Variants in CEP170 observed in about 807,000 individuals in gnomAD.
CEP170 encodes centrosomal protein 170, also known as centrosomal protein of 170 kDa.
In CEP170, 21 loss-of-function variants were observed where a neutral mutation model predicts 151.9. That is an observed-to-expected ratio of 0.14 (90% CI 0.10 to 0.20). CEP170 has a LOEUF of 0.20. Among genes scored for constraint, CEP170 ranks in the 10% least tolerant of loss-of-function variants. The pLI is 1.00. For missense variants in CEP170, 964 were observed against 1,892.9 expected, an observed-to-expected ratio of 0.51 and a Z score of 9.11; for synonymous variants, 356 against 648.8, an observed-to-expected ratio of 0.55 and a Z score of 6.86.
intron 14 of CEP170, among the ~76,000 whole-genome samples, chr1:243,152,565 T>C: frequency 1.8e-5 from 2 of 112,466 alleles, no homozygotes; most frequent in Admixed American, 1.2e-4. Flanking sequence ...AGAGTCTCGC[T>C]CTGTCACCCA....
intron 4 of CEP170, among the ~76,000 whole-genome samples, chr1:243,202,081 A>T (rs1326885927): frequency 6.6e-6 from 1 of 152,194 alleles, no homozygotes; most frequent in Admixed American, 6.6e-5. Context: ...GGTTTAAGAA[A>T]ATGTGGTATA....
At chr1:243,243,442 TC>T (rs1472594771) in intron 1 of CEP170, among the ~76,000 whole-genome samples, 2 of 152,248 alleles carry the variant, frequency 1.3e-5, no homozygotes, top group East Asian at 3.9e-4. Flanking sequence ...AATATAAGCT[TC>T]CCTAAATAGC....
intron 11 of CEP170, among the ~76,000 whole-genome samples, chr1:243,170,046 C>A (rs778078164): frequency 1.3e-5 from 2 of 152,134 alleles, no homozygotes; most frequent in African/African-American, 4.8e-5. Context: ...TGGAAAGCTA[C>A]GATGGAAACT....
intron 1 of CEP170, among the ~76,000 whole-genome samples, chr1:243,240,150 C>CA (rs2064683402): frequency 6.6e-6 from 1 of 152,036 alleles, no homozygotes; most frequent in African/African-American, 2.4e-5. Flanking sequence ...GTTTCTACTA[C>CA]AAATACGAAA....
intron 10 of CEP170, among the ~76,000 whole-genome samples, chr1:243,184,158 T>C (rs1216787316): frequency 6.6e-6 from 1 of 152,024 alleles, no homozygotes; most frequent in African/African-American, 2.4e-5. Context: ...ATAAGATAGG[T>C]ATTGTGATAA....
intron 7 of CEP170, among the ~76,000 whole-genome samples, chr1:243,191,856 T>C (rs2060325674): frequency 6.6e-6 from 1 of 152,152 alleles, no homozygotes; most frequent in Non-Finnish European, 1.5e-5. Context: ...ATGTTCAATG[T>C]ATATATAAAA....
chr1:243,175,031 A>G (rs1019968392), intron 10 of CEP170: 1 of 152,254 alleles, frequency 6.6e-6, no homozygotes. Context: ...GCATTTTTGC[A>G]TCTCTTTGAC....
rs193300120 is a variant in CEP170 at position 243,152,415 on chromosome 1, G to A, written c.3911+3806C>T. ...TTTTTGTATTTTTAGTAGAGATGGGGTTTCACCATGTTAGCCAAGATCGTC... is the reference window on the plus strand; with the variant it reads ...TTTTTGTATTTTTAGTAGAGATGGGATTTCACCATGTTAGCCAAGATCGTC... On this transcript the variant is annotated intron_variant, in intron 14 of 19. Transcript: ENST00000366542. Among the ~76,000 whole-genome samples, 42 of 150,418 alleles carry A rather than the reference G, an allele frequency of 2.8e-4. No homozygotes were observed. In the East Asian group the frequency reaches 8.1e-3, roughly 29 times the overall value.
intron 19 of CEP170, among the ~76,000 whole-genome samples, 190 bp downstream of exon 19, chr1:243,128,059 C>T (rs1999952): frequency 6.6e-6 from 1 of 152,050 alleles, no homozygotes; most frequent in Admixed American, 6.6e-5. Flanking sequence ...ATCTTTATTA[C>T]ATTTTAAATT....
intron 15 of CEP170, among the ~76,000 whole-genome samples, chr1:243,141,630 T>C (rs1005015348): frequency 7.9e-5 from 12 of 152,154 alleles, no homozygotes; most frequent in South Asian, 2.1e-4. Flanking sequence ...GGCCAAAGAG[T>C]ACCATTAATT....
intron 10 of CEP170, among the ~76,000 whole-genome samples, chr1:243,179,177 CTCTT>C (rs768604950): frequency 6.6e-6 from 1 of 152,162 alleles, no homozygotes; most frequent in Non-Finnish European, 1.5e-5. Flanking sequence ...TCTCGATTTG[CTCTT>C]TCTTTCATAT....
In CEP170 at chr1:243,191,371, G is replaced by A. The variant is rs10157680; in HGVS notation, c.755C>T (p.Ser252Leu). The A allele has an allele frequency of 4.0e-3, 6,464 of 1,604,416 alleles. 256 individuals are homozygous for A. The African/African-American group carries it at 0.074, about 18-fold the overall frequency. The change falls in exon 8 of 20, where the codon TCA (serine) becomes TTA (leucine). Residue 252 changes from serine (S) to leucine (L), a missense_variant. Transcript: ENST00000366542. ...EIPTKEFQQPSQITESTIHEI... is the reference protein window; with the variant it reads ...EIPTKEFQQPLQITESTIHEI... ...ATGAATAGTGCTTTCTGTTATTTGTGATGGTTGCTGGAATTCTTTTGTAGG... is the reference window on the plus strand; with the variant it reads ...ATGAATAGTGCTTTCTGTTATTTGTAATGGTTGCTGGAATTCTTTTGTAGG...
At chr1:243,230,335 T>G (rs1244907891) in intron 1 of CEP170, among the ~76,000 whole-genome samples, 2 of 142,304 alleles carry the variant, frequency 1.4e-5, no homozygotes, top group East Asian at 4.5e-4. Context: ...AGATACAAAA[T>G]ACAGTTCTCA....
intron 13 of CEP170, among the ~76,000 whole-genome samples, chr1:243,162,744 C>T (rs1055432279): frequency 1.3e-5 from 2 of 152,216 alleles, no homozygotes; most frequent in Middle Eastern, 3.4e-3. Flanking sequence ...CAGGAAAATA[C>T]ATACATATCT....
At position 243,185,789 on chromosome 1, in the gene CEP170, A is replaced by C; in HGVS notation, c.1556T>G (p.Met519Arg). Reference protein sequence around the residue: ...PNSEEVEARKMIDKVFGVDDN... With the variant: ...PNSEEVEARKRIDKVFGVDDN... ...ATTTCAATTATTTACCTTGTCAATC[A>C]TTTTTCTTGCTTCCACTTCCTCACT... The change falls in exon 10 of 20, where the codon ATG becomes AGG. Residue 519 changes from methionine to arginine, a missense_variant. Met to Arg is a moderately conservative substitution (Grantham distance 91). Transcript: ENST00000366542. This position sits in a 1 kb window ranked among gnomAD's most constrained non-coding sequence, Gnocchi z 4.9. The C allele has an allele frequency of 6.3e-7, 1 of 1,593,484 alleles. No individual in the cohort carries two copies. The highest frequency in any genetic ancestry group is 8.5e-7 in the Non-Finnish European group (1 of 1,170,422).
At chr1:243,243,850 C>T (rs186954682) in intron 1 of CEP170, among the ~76,000 whole-genome samples, 1 of 151,620 alleles carries the variant, frequency 6.6e-6, no homozygotes, top group East Asian at 1.9e-4. Context: ...AAAGTAGACA[C>T]CACACACACA....
At chr1:243,227,491 A>C (rs2063395578) in intron 1 of CEP170, among the ~76,000 whole-genome samples, 1 of 152,224 alleles carries the variant, frequency 6.6e-6, no homozygotes, top group Non-Finnish European at 1.5e-5. Flanking sequence ...TGCTCTATGC[A>C]TACTTCTATT....
intron 10 of CEP170, among the ~76,000 whole-genome samples, chr1:243,183,956 A>G (rs549163021): frequency 1.3e-5 from 2 of 152,222 alleles, no homozygotes; most frequent in East Asian, 1.9e-4. Context: ...ATCTGCTACA[A>G]TGACTTCTTT....
At chr1:243,161,986 A>G (rs1430692268) in intron 13 of CEP170, among the ~76,000 whole-genome samples, 1 of 152,188 alleles carries the variant, frequency 6.6e-6, no homozygotes, top group African/African-American at 2.4e-5. Flanking sequence ...TGAAGGAAAG[A>G]TCCTGGCCAC....
Sources: gnomAD v4.1 joint callset for allele counts (sites outside exome capture counted in the v4.1 genomes callset) on GRCh38, gnomAD v4.1.1 for gene constraint, Gnocchi (gnomAD v3.1) non-coding constraint, MANE v1.5 for transcripts, NCBI Gene and HGNC (gene_info 2026-07-23, HGNC 2026-07-21) for gene names.